LHFPL3: variants seen among roughly 807,000 people sequenced by gnomAD.
LHFPL3 encodes LHFPL tetraspan subfamily member 3.
Under a neutral mutation model 19.3 loss-of-function variants are expected in LHFPL3, and 5 were observed. That is an observed-to-expected ratio of 0.26 (90% CI 0.14 to 0.54). The LOEUF (loss-of-function observed/expected upper bound fraction) is 0.54, where lower values mean the gene tolerates loss of function less well. Ranked by LOEUF, LHFPL3 falls within the 20% of genes least tolerant of loss-of-function variation. LHFPL3 has a pLI of 0.94. For missense variants in LHFPL3, 249 were observed against 307.4 expected (o/e 0.81, Z 1.42); for synonymous variants, 133 against 126.2 (o/e 1.05, Z -0.36).
chr7:104,352,241 A>G (rs1476276927), intron 1 of LHFPL3, among the ~76,000 whole-genome samples: 1 of 151,884 alleles, frequency 6.6e-6, no homozygotes, highest in African/African-American at 2.4e-5. Flanking sequence ...TAATATATGT[A>G]AATTATTACT....
At chr7:104,625,766 A>G (rs1430491571) in intron 1 of LHFPL3, among the ~76,000 whole-genome samples, 1 of 152,188 alleles carries the variant, frequency 6.6e-6, no homozygotes, top group Non-Finnish European at 1.5e-5. Context: ...AACTTCAAGG[A>G]GAAATTTTTA....
At chr7:104,812,835 C>G (rs549921839) in intron 2 of LHFPL3, among the ~76,000 whole-genome samples, 188 of 111,382 alleles carry the variant, frequency 1.7e-3, no homozygotes, top group Admixed American at 2.3e-3. Flanking sequence ...AAAAAAAGGC[C>G]AGGCGCAGTG....
intron 2 of LHFPL3, among the ~76,000 whole-genome samples, chr7:104,748,920 T>A (rs1480576523): frequency 6.6e-6 from 1 of 152,204 alleles, no homozygotes; most frequent in Admixed American, 6.5e-5. Context: ...AAGGGATCTA[T>A]TCTATTTATT....
At chr7:104,745,074 T>C (rs1474906563) in intron 2 of LHFPL3, among the ~76,000 whole-genome samples, 1 of 152,216 alleles carries the variant, frequency 6.6e-6, no homozygotes, top group African/African-American at 2.4e-5. Context: ...TCAAACTTAG[T>C]ATTTCCAAAA....
At chr7:104,550,689 C>T (rs1250511191) in intron 1 of LHFPL3, among the ~76,000 whole-genome samples, 2 of 152,166 alleles carry the variant, frequency 1.3e-5, no homozygotes, top group Non-Finnish European at 2.9e-5. Context: ...TCACCCTGAC[C>T]TCTGTTCTTC....
intron 1 of LHFPL3, among the ~76,000 whole-genome samples, chr7:104,682,489 T>A (rs552467910): frequency 5.3e-5 from 8 of 152,336 alleles, no homozygotes; most frequent in Admixed American, 6.5e-5. Context: ...AGAACCTAAG[T>A]GCCCAACATA....
intron 1 of LHFPL3, among the ~76,000 whole-genome samples, chr7:104,539,374 A>G (rs937037040): frequency 1.3e-5 from 2 of 152,200 alleles, no homozygotes; most frequent in African/African-American, 2.4e-5. Flanking sequence ...CTATATAAAA[A>G]CAACTCCAAA....
chr7:104,417,978 G>C (rs1038301647), intron 1 of LHFPL3, among the ~76,000 whole-genome samples: 1 of 149,734 alleles, frequency 6.7e-6, no homozygotes, highest in Non-Finnish European at 1.5e-5. Flanking sequence ...TGCCTCCTGG[G>C]TTCAAGGGAT....
At chr7:104,386,118 G>C (rs1562881705) in intron 1 of LHFPL3, among the ~76,000 whole-genome samples, 1 of 152,158 alleles carries the variant, frequency 6.6e-6, no homozygotes, top group Non-Finnish European at 1.5e-5. Context: ...TTGAATACTA[G>C]CTGATTCACA....
intron 1 of LHFPL3, among the ~76,000 whole-genome samples, chr7:104,448,019 G>A (rs1399759408): frequency 6.6e-6 from 1 of 151,926 alleles, no homozygotes. Context: ...ATCTTCTGCT[G>A]TATATACTGA....
chr7:104,607,251 A>G (rs1323436125), intron 1 of LHFPL3, among the ~76,000 whole-genome samples: 2 of 152,238 alleles, frequency 1.3e-5, no homozygotes, highest in Non-Finnish European at 2.9e-5. Flanking sequence ...CCCAGGAATG[A>G]CCAAGGACAG....
In LHFPL3 at chr7:104,684,786, A is replaced by C. The variant is rs1003666541; in HGVS notation, c.446-51889A>C. ...TGCCATTCCCTGCCAGGACCAGCCC[A>C]GGGCAGAAGCATGCCCAGGTGAGAC... On this transcript the variant is annotated intron_variant, in intron 1 of 2. Transcript: ENST00000424859. Among the ~76,000 whole-genome samples, 5 of 152,218 alleles carry C rather than the reference A, an allele frequency of 3.3e-5. 1 individual carries two copies. Among genetic ancestry groups the C allele is most frequent in the Non-Finnish European group, 7.3e-5 (5 of 68,040 alleles).
intron 1 of LHFPL3, chr7:104,668,470 C>T (rs556502900): frequency 6.2e-7 from 1 of 1,612,360 alleles, no homozygotes; most frequent in South Asian, 1.1e-5. Flanking sequence ...CGGGATGGCC[C>T]ACGCCGGGAT....
At chr7:104,566,369 C>T (rs1345415285) in intron 1 of LHFPL3, among the ~76,000 whole-genome samples, 2 of 151,986 alleles carry the variant, frequency 1.3e-5, no homozygotes, top group African/African-American at 4.8e-5. Context: ...AAAAACTCAC[C>T]TTCTTCCTAC....
chr7:104,686,372 G>T (rs1792806014), intron 1 of LHFPL3, among the ~76,000 whole-genome samples: 1 of 152,210 alleles, frequency 6.6e-6, no homozygotes, highest in African/African-American at 2.4e-5. Context: ...GCAGGTGTGG[G>T]AGCAGCTGCA....
chr7:104,556,750 T>A (rs777587877), intron 1 of LHFPL3, among the ~76,000 whole-genome samples: 4 of 152,268 alleles, frequency 2.6e-5, no homozygotes, highest in African/African-American at 4.8e-5. Context: ...TTCTTTAACA[T>A]CACATTGTCA....
chr7:104,700,822 A>G (rs1458627174), intron 1 of LHFPL3, among the ~76,000 whole-genome samples: 2 of 152,150 alleles, frequency 1.3e-5, no homozygotes, highest in Non-Finnish European at 2.9e-5. Context: ...GTCCTCAAGC[A>G]TTGATCGCAG....
intron 2 of LHFPL3, among the ~76,000 whole-genome samples, chr7:104,877,769 G>T (rs1791976847): frequency 6.6e-6 from 1 of 151,790 alleles, no homozygotes; most frequent in African/African-American, 2.4e-5. Flanking sequence ...TCCATGCTGG[G>T]TATGTATATA....
chr7:104,670,226 T>G (rs912910157), intron 1 of LHFPL3, among the ~76,000 whole-genome samples: 1 of 150,902 alleles, frequency 6.6e-6, no homozygotes, highest in African/African-American at 2.4e-5. Flanking sequence ...CCAAAATAAA[T>G]GGGAAAATCG....
Sources: allele counts gnomAD v4.1 joint callset (sites outside exome capture counted in the v4.1 genomes callset), GRCh38; gene constraint gnomAD v4.1.1; transcripts MANE v1.5; gene names NCBI Gene and HGNC (gene_info 2026-07-23, HGNC 2026-07-21).